FLI1: variants seen among roughly 807,000 people sequenced by gnomAD.
The protein encoded by FLI1 is Friend leukemia integration 1 transcription factor.
Under a neutral mutation model 53.1 loss-of-function variants are expected in FLI1, and 13 were observed. The ratio of observed to expected loss-of-function variants is 0.24; its 90% confidence interval spans 0.16 to 0.39. The LOEUF (loss-of-function observed/expected upper bound fraction) is 0.39. FLI1 is among the 10% of genes least tolerant of loss of function. The pLI is 1.00. For missense variants in FLI1, 424 were observed against 600.5 expected, an observed-to-expected ratio of 0.71 and a Z score of 3.07; for synonymous variants, 244 against 236.7, an observed-to-expected ratio of 1.03 and a Z score of -0.28.
At chr11:128,734,337 G>T (rs605093) in intron 1 of FLI1, among the ~76,000 whole-genome samples, 62,993 of 152,066 alleles carry the variant, frequency 0.41, 13,569 homozygotes, top group Non-Finnish European at 0.47. Flanking sequence ...GGATCGAGCT[G>T]AGTACTCAGA....
At chr11:128,736,365 G>A (rs1204385591) in intron 1 of FLI1, among the ~76,000 whole-genome samples, 1 of 152,212 alleles carries the variant, frequency 6.6e-6, no homozygotes, top group African/African-American at 2.4e-5. Flanking sequence ...TTTGGCGGTA[G>A]CATGAGCCCT....
intron 4 of FLI1, among the ~76,000 whole-genome samples, chr11:128,776,839 C>T (rs1941741945): frequency 6.6e-6 from 1 of 151,786 alleles, no homozygotes; most frequent in Non-Finnish European, 1.5e-5. Flanking sequence ...GTTCCCCCGG[C>T]CCTGGAGACA....
At chr11:128,789,941 CG>C (rs1248833992) in intron 5 of FLI1, among the ~76,000 whole-genome samples, 8 of 152,128 alleles carry the variant, frequency 5.3e-5, no homozygotes, top group Admixed American at 3.3e-4. Flanking sequence ...GAGGGTATCG[CG>C]GCCTCACAGG....
rs372859921 is a variant in FLI1, at chr11:128,807,332, CAT to C, written c.781+96_781+97del. ...GATGGAGGGTTTAAACAATATACCA[CAT>C]ATGTTTTCTCTTATTTCTCTCAAAG... On this transcript the variant is annotated intron_variant, in intron 7 of 8. Coordinates refer to ENST00000527786, the MANE Select transcript of FLI1 (RefSeq NM_002017.5). 336 of 765,150 alleles carry C rather than the reference CAT, an allele frequency of 4.4e-4. 1 individual carries two copies. The African/African-American group carries it at 5.2e-3, about 12-fold the overall frequency. 47.4% of individuals were successfully genotyped at this position (765,150 alleles called of 1,614,324 possible). A position where few individuals can be genotyped will look rare whatever the true frequency, so the allele number is the denominator to read the frequency against.
At chr11:128,704,087 T>C (rs948112963) in intron 1 of FLI1, among the ~76,000 whole-genome samples, 1 of 152,154 alleles carries the variant, frequency 6.6e-6, no homozygotes, top group Non-Finnish European at 1.5e-5. Context: ...ATCATTCATG[T>C]TAAAGGTCTT....
chr11:128,730,007 C>T (rs1295443331), intron 1 of FLI1, among the ~76,000 whole-genome samples: 3 of 152,188 alleles, frequency 2.0e-5, no homozygotes, highest in Non-Finnish European at 4.4e-5. Context: ...TGAAACATTT[C>T]TAATATCAGA....
At chr11:128,773,504 A>G (rs1480843690) in intron 4 of FLI1, among the ~76,000 whole-genome samples, 1 of 151,824 alleles carries the variant, frequency 6.6e-6, no homozygotes, top group African/African-American at 2.4e-5. Context: ...AAGAGCAGCC[A>G]AAGGTGCAGG....
intron 1 of FLI1, among the ~76,000 whole-genome samples, chr11:128,731,783 A>C (rs1939709457): frequency 6.6e-6 from 1 of 152,100 alleles, no homozygotes; most frequent in Admixed American, 6.5e-5. Flanking sequence ...CGGGCAAATC[A>C]CTTGAGGTCA....
intron 5 of FLI1, among the ~76,000 whole-genome samples, chr11:128,788,569 A>G (rs1942171983): frequency 6.6e-6 from 1 of 152,182 alleles, no homozygotes; most frequent in Non-Finnish European, 1.5e-5. Flanking sequence ...TGCATGCTAC[A>G]CACAAGATAT....
chr11:128,702,823 C>T (rs1787977), intron 1 of FLI1, among the ~76,000 whole-genome samples: 1 of 150,610 alleles, frequency 6.6e-6, no homozygotes, highest in Non-Finnish European at 1.5e-5. Context: ...GATCGTGCCT[C>T]TGCACTCCAG....
chr11:128,724,457 A>G (rs1002587211), intron 1 of FLI1, among the ~76,000 whole-genome samples: 3 of 152,220 alleles, frequency 2.0e-5, no homozygotes, highest in South Asian at 4.1e-4. Context: ...TCTGTTGTCA[A>G]TGATGGGAAA....
intron 4 of FLI1, among the ~76,000 whole-genome samples, chr11:128,779,265 A>G (rs1941837253): frequency 1.3e-5 from 2 of 152,116 alleles, no homozygotes. Flanking sequence ...GGAGACCATC[A>G]TTTTTCTTTA....
chr11:128,738,156 CTGACT>C (rs1375082588), intron 1 of FLI1, among the ~76,000 whole-genome samples: 4 of 152,290 alleles, frequency 2.6e-5, no homozygotes, highest in Admixed American at 2.0e-4. Flanking sequence ...CCCTGCTCTC[CTGACT>C]TAAGTGCCAT....
intron 4 of FLI1, among the ~76,000 whole-genome samples, chr11:128,777,545 G>A (rs1941773896): frequency 6.6e-6 from 1 of 152,216 alleles, no homozygotes; most frequent in Non-Finnish European, 1.5e-5. Context: ...GGGCAATTAA[G>A]CTGGTGCAAT....
At chr11:128,712,333 T>C (rs945623837) in intron 1 of FLI1, among the ~76,000 whole-genome samples, 39 of 152,338 alleles carry the variant, frequency 2.6e-4, no homozygotes, top group Non-Finnish European at 5.0e-4. Context: ...CCATGCTTTC[T>C]GTACAGCCTG....
chr11:128,709,301 A>T (rs1420157124), intron 1 of FLI1, among the ~76,000 whole-genome samples: 1 of 152,228 alleles, frequency 6.6e-6, no homozygotes, highest in African/African-American at 2.4e-5. Context: ...TTATTATCTT[A>T]GTTATTATTC....
intron 4 of FLI1, among the ~76,000 whole-genome samples, chr11:128,775,052 A>T (rs746751500): frequency 6.6e-6 from 1 of 152,220 alleles, no homozygotes; most frequent in African/African-American, 2.4e-5. Context: ...TAAAAATATT[A>T]GGTTTCCCAA....
At chr11:128,702,581 G>T (rs1180378696) in intron 1 of FLI1, among the ~76,000 whole-genome samples, 2 of 152,188 alleles carry the variant, frequency 1.3e-5, no homozygotes, top group African/African-American at 4.8e-5. Flanking sequence ...TTAACATGGG[G>T]CCAGGCACGG....
intron 5 of FLI1, among the ~76,000 whole-genome samples, chr11:128,793,562 C>T (rs12288919): frequency 0.081 from 12,323 of 152,236 alleles, 1,397 homozygotes; most frequent in African/African-American, 0.26. Flanking sequence ...CTACAGAGTT[C>T]GCCTCTTCTC....
Sources: allele counts gnomAD v4.1 joint callset (sites outside exome capture counted in the v4.1 genomes callset), GRCh38; gene constraint gnomAD v4.1.1; transcripts MANE v1.5; gene names NCBI Gene and HGNC (gene_info 2026-07-23, HGNC 2026-07-21).